Variants in ANKRD30BL observed in about 807,000 individuals in gnomAD.
ANKRD30BL encodes the protein ankyrin repeat domain 30B like.
Under a neutral mutation model 18.4 loss-of-function variants are expected in ANKRD30BL, and 20 were observed. That is an observed-to-expected ratio of 1.09 (90% CI 0.77 to 1.58). The LOEUF (loss-of-function observed/expected upper bound fraction) is 1.58, where lower values mean the gene tolerates loss of function less well. Ranked by LOEUF, ANKRD30BL falls within the 40% of genes most tolerant of loss-of-function variation. The pLI is 0.00. For synonymous variants in ANKRD30BL, 72 were observed against 100.9 expected (o/e 0.71, Z 1.72); for missense variants, 224 against 268.6 (o/e 0.83, Z 1.16).
intron 1 of ANKRD30BL, among the ~76,000 whole-genome samples, chr2:132,220,354 C>G (rs1404228906): frequency 2.7e-5 from 3 of 110,770 alleles, no homozygotes; most frequent in African/African-American, 1.1e-4. Context: ...CTCCCTGTCC[C>G]TCTCCCTCTC....
intron 1 of ANKRD30BL, among the ~76,000 whole-genome samples, chr2:132,221,520 C>T (rs1221294302): frequency 7.6e-6 from 1 of 132,236 alleles, no homozygotes; most frequent in Non-Finnish European, 1.6e-5. Context: ...TCTGCCTGGC[C>T]AGCCACCCCG....
chr2:132,182,014 G>A (rs1055948916), intron 1 of ANKRD30BL, among the ~76,000 whole-genome samples: 3 of 152,114 alleles, frequency 2.0e-5, no homozygotes, highest in African/African-American at 7.2e-5. Flanking sequence ...TGGAGGCTGA[G>A]GTAGGAGAAT....
intron 1 of ANKRD30BL, among the ~76,000 whole-genome samples, chr2:132,233,748 C>T (rs1394514721): frequency 1.4e-5 from 2 of 146,418 alleles, no homozygotes; most frequent in African/African-American, 2.5e-5. Context: ...GAGACTTTAA[C>T]ACCCCACTGT....
At chr2:132,199,541 C>T (rs1412594503) in intron 1 of ANKRD30BL, among the ~76,000 whole-genome samples, 1 of 151,310 alleles carries the variant, frequency 6.6e-6, no homozygotes, top group Non-Finnish European at 1.5e-5. Context: ...CAGTCTCGCT[C>T]TGTGGTCCAA....
intron 1 of ANKRD30BL, chr2:132,256,993 G>A (rs757290240): frequency 9.7e-6 from 5 of 515,932 alleles, no homozygotes; most frequent in African/African-American, 9.7e-5. Flanking sequence ...CGGGCCACCA[G>A]GAAAACACGG....
chr2:132,169,286 T>C (rs1312794992), intron 1 of ANKRD30BL, among the ~76,000 whole-genome samples: 2 of 152,230 alleles, frequency 1.3e-5, no homozygotes, highest in Non-Finnish European at 2.9e-5. Context: ...CACACATTTG[T>C]GTGAGTTGCA....
chr2:132,172,711 C>T (rs1334491427), intron 1 of ANKRD30BL, among the ~76,000 whole-genome samples: 46 of 143,512 alleles, frequency 3.2e-4, no homozygotes, highest in Non-Finnish European at 5.8e-4. Context: ...TTGAGGGTGA[C>T]TTTTTTTTTT....
chr2:132,194,048 C>T (rs571899413), intron 1 of ANKRD30BL, among the ~76,000 whole-genome samples: 20 of 129,578 alleles, frequency 1.5e-4, no homozygotes, highest in African/African-American at 6.1e-4. Context: ...CTCTCTCTCT[C>T]TCTCTCTCAC....
intron 1 of ANKRD30BL, among the ~76,000 whole-genome samples, chr2:132,242,514 TG>T (rs2104797240): frequency 6.7e-6 from 1 of 149,676 alleles, no homozygotes; most frequent in African/African-American, 2.5e-5. Context: ...GAGCGCTTTG[TG>T]GCCTATGGTG....
At chr2:132,201,828 A>G (rs1573836227) in intron 1 of ANKRD30BL, among the ~76,000 whole-genome samples, 2 of 152,336 alleles carry the variant, frequency 1.3e-5, no homozygotes, top group Middle Eastern at 3.4e-3. Context: ...TGCAGCTACA[A>G]AGACACATGC....
At chr2:132,216,151 C>A (rs545856537) in intron 1 of ANKRD30BL, among the ~76,000 whole-genome samples, 1 of 151,764 alleles carries the variant, frequency 6.6e-6, no homozygotes, top group Non-Finnish European at 1.5e-5. Context: ...ATATTTGGAG[C>A]ACTTTGTGGC....
upstream of ANKRD30BL, among the ~76,000 whole-genome samples, chr2:132,164,867 G>C (rs1357720232): frequency 2.6e-5 from 4 of 151,954 alleles, no homozygotes; most frequent in Non-Finnish European, 5.9e-5. Flanking sequence ...GTCAGAAGAT[G>C]GGGACCATCC....
At chr2:132,185,374 A>G (rs1194964129) in intron 1 of ANKRD30BL, among the ~76,000 whole-genome samples, 2 of 152,166 alleles carry the variant, frequency 1.3e-5, no homozygotes, top group East Asian at 3.9e-4. Context: ...CTGTCTAAAC[A>G]GTGCATTGCA....
chr2:132,222,815 C>A (rs1419006051), intron 1 of ANKRD30BL, among the ~76,000 whole-genome samples: 1 of 69,632 alleles, frequency 1.4e-5, no homozygotes, highest in Non-Finnish European at 2.8e-5. Context: ...CTGTGAGAAA[C>A]AGCCAAGAAT....
At chr2:132,191,985 T>C (rs532926560) in intron 1 of ANKRD30BL, among the ~76,000 whole-genome samples, 17 of 152,216 alleles carry the variant, frequency 1.1e-4, no homozygotes, top group Admixed American at 4.6e-4. Context: ...ACCTTGTGAT[T>C]CACCCACCTT....
At chr2:132,196,771 C>T (rs78349932) in intron 1 of ANKRD30BL, among the ~76,000 whole-genome samples, 2 of 150,638 alleles carry the variant, frequency 1.3e-5, no homozygotes, top group African/African-American at 2.4e-5. Context: ...CATGCCACTG[C>T]ACTTCAGCCT....
chr2:132,182,947 G>A lies in ANKRD30BL; in HGVS notation n.442-25801C>T, dbSNP rs558448177. 3.3e-5 allele frequency among the ~76,000 whole-genome samples: 5 copies of A among 152,082 alleles called. No individual in the cohort carries two copies. The East Asian group carries it at 7.7e-4, about 24-fold the overall frequency. ...ACAACTTTTCTGTTTTAATAAAATT[G>A]TATTTTGATATATTTGAAAGATTTT... On this transcript the variant is annotated intron_variant and non_coding_transcript_variant, in intron 1 of 4. Coordinates refer to the ANKRD30BL transcript ENST00000470729.
In ANKRD30BL at chr2:132,161,901, A is replaced by C; in HGVS notation, c.-196T>G. On this transcript the variant is annotated 5_prime_UTR_variant, in exon 1 of 6. Coordinates refer to ENST00000409867, the MANE Select transcript of ANKRD30BL (RefSeq NM_001358416.1). ...GCGCAAAACCGTTAGGCAGCTGAGC[A>C]GAACCGTTAGGCACCTGAGCAGAAC... is the stretch of plus-strand genomic sequence containing the variant. 1.7e-6 allele frequency: 1 copy of C among 581,282 alleles called. No individual in the cohort carries two copies. The highest frequency in any genetic ancestry group is 2.9e-5 in the East Asian group (1 of 34,574). The allele number at this position is 581,282 out of a possible 1,614,324, so 36.0% of individuals were successfully genotyped here.
chr2:132,229,627 TAA>T (rs886285540), intron 1 of ANKRD30BL, among the ~76,000 whole-genome samples: 15 of 152,248 alleles, frequency 9.9e-5, no homozygotes, highest in African/African-American at 3.4e-4. Flanking sequence ...TATCTTCACA[TAA>T]ACACTAGACA....
Sources: gnomAD v4.1 joint callset for allele counts (sites outside exome capture counted in the v4.1 genomes callset) on GRCh38, gnomAD v4.1.1 for gene constraint, MANE v1.5 for transcripts, NCBI Gene and HGNC (gene_info 2026-07-23, HGNC 2026-07-21) for gene names.